Variants in GPM6B observed in about 807,000 individuals in gnomAD.
The protein encoded by GPM6B is glycoprotein M6B.
In GPM6B, 4 loss-of-function variants were observed where a neutral mutation model predicts 27.2. The ratio of observed to expected loss-of-function variants is 0.15; its 90% CI spans 0.07 to 0.34. The LOEUF is 0.34. Ranked by LOEUF, GPM6B falls within the 10% of genes least tolerant of loss-of-function variation. The pLI is 1.00. For synonymous variants in GPM6B, 124 were observed against 103.1 expected, an observed-to-expected ratio of 1.20 and a Z score of -1.23; for missense variants, 183 against 261.9, an observed-to-expected ratio of 0.70 and a Z score of 2.08.
At chrX:13,774,775 G>A in intron 7 of GPM6B, 1 of 445,949 alleles carries the variant, frequency 2.2e-6, no homozygotes. Context: ...TTCCTATCTA[G>A]CACACACAAA....
chrX:13,783,573 A>AAT, intron 3 of GPM6B, 52 bp from the exon 4 acceptor site: 1 of 1,031,840 alleles, frequency 9.7e-7, no homozygotes, highest in Non-Finnish European at 1.3e-6. Flanking sequence ...CCTGGTAGTG[A>AAT]CTACGTTTCT....
intron 1 of GPM6B, among the ~76,000 whole-genome samples, chrX:13,920,612 C>A (rs1394778565): frequency 1.8e-5 from 2 of 111,598 alleles, no homozygotes; most frequent in African/African-American, 6.5e-5. Context: ...ATGGGTAAGG[C>A]CGGGTGCAGT....
Position 13,875,471 on chromosome X carries a change from C to T in GPM6B, c.-198+62856G>A, listed in dbSNP as rs190212340. Among the ~76,000 whole-genome samples, 124 of 111,605 alleles carry T rather than the reference C, an allele frequency of 1.1e-3. 1 individual carries two copies. Among genetic ancestry groups the T allele is most frequent in the African/African-American group, 3.8e-3 (116 of 30,755 alleles). ...GAGCAAAAGGCCGCACGGGTAGCTCCTCAAGAAGTTAAACATCCAATTACT... is the reference window on the plus strand; with the variant it reads ...GAGCAAAAGGCCGCACGGGTAGCTCTTCAAGAAGTTAAACATCCAATTACT... On this transcript the variant is annotated intron_variant, in intron 1 of 6. Transcript: ENST00000398361.
chrX:13,785,932 T>C lies in GPM6B; in HGVS notation c.182-124A>G, dbSNP rs866570734. On this transcript the variant is annotated intron_variant, in intron 2 of 7. Coordinates refer to ENST00000316715, the MANE Select transcript of GPM6B (RefSeq NM_001001995.3). ...CTCCCCTCTCAGGCTCTATGGTTAA[T>C]ATTAATACTTCGACATCCCAAGGGC... 1.5e-5 allele frequency: 8 copies of C among 528,118 alleles called. No individual in the cohort carries two copies. In the South Asian group the frequency reaches 2.7e-4, roughly 18 times the overall value. 43.5% of individuals were successfully genotyped at this position (528,118 alleles called of 1,213,427 possible). A position where few individuals can be genotyped will look rare whatever the true frequency, so the allele number is the denominator to read the frequency against.
chrX:13,783,057 T>G (rs1295503504), intron 4 of GPM6B, among the ~76,000 whole-genome samples: 1 of 112,482 alleles, frequency 8.9e-6, no homozygotes, highest in Non-Finnish European at 1.9e-5. Flanking sequence ...AGGGGAGCAC[T>G]GAGACCACAT....
At chrX:13,845,314 A>G (rs2049632588) in intron 1 of GPM6B, among the ~76,000 whole-genome samples, 1 of 102,761 alleles carries the variant, frequency 9.7e-6, no homozygotes, top group African/African-American at 3.6e-5. Context: ...TCTATAGTGG[A>G]AATCTGAGCA....
At chrX:13,866,235 T>C (rs767462298) in intron 1 of GPM6B, among the ~76,000 whole-genome samples, 8 of 112,090 alleles carry the variant, frequency 7.1e-5, no homozygotes, top group Non-Finnish European at 1.3e-4. Context: ...TGGTGGCACA[T>C]GCCTGTAATC....
chrX:13,926,339 C>T (rs149570298), intron 1 of GPM6B, among the ~76,000 whole-genome samples: 3,815 of 107,355 alleles, frequency 0.036, 97 homozygotes, highest in East Asian at 0.18. Context: ...ACCCAGGAGG[C>T]GGAGCTTGCA....
intron 1 of GPM6B, among the ~76,000 whole-genome samples, chrX:13,894,686 A>T (rs974507922): frequency 1.8e-5 from 2 of 112,743 alleles, no homozygotes; most frequent in Admixed American, 9.4e-5. Context: ...AAACCACATA[A>T]GAAAGAATAC....
chrX:13,783,565 T>A, intron 3 of GPM6B, 44 bp from the exon 4 acceptor site: 2 of 1,047,281 alleles, frequency 1.9e-6, no homozygotes, highest in Non-Finnish European at 2.6e-6. Flanking sequence ...ATTCACTGCC[T>A]GGTAGTGACT....
chrX:13,777,709 C>T (rs1392003595), intron 5 of GPM6B, among the ~76,000 whole-genome samples: 1 of 112,488 alleles, frequency 8.9e-6, no homozygotes, highest in African/African-American at 3.2e-5. Flanking sequence ...TTTGGAAGTT[C>T]ATATTTGTAA....
intron 1 of GPM6B, among the ~76,000 whole-genome samples, chrX:13,904,045 T>C (rs1306078837): frequency 2.7e-5 from 3 of 110,699 alleles, no homozygotes; most frequent in Non-Finnish European, 5.7e-5. Context: ...ACCCTCCAGA[T>C]CTCCTTTACA....
At chrX:13,846,540 G>A (rs1288835879) in intron 1 of GPM6B, among the ~76,000 whole-genome samples, 1 of 110,090 alleles carries the variant, frequency 9.1e-6, no homozygotes, top group Non-Finnish European at 1.9e-5. Context: ...GCCCAGGCTG[G>A]AGTGCAGTGG....
At chrX:13,933,328 T>C (rs759822366) in intron 1 of GPM6B, among the ~76,000 whole-genome samples, 48 of 112,190 alleles carry the variant, frequency 4.3e-4, no homozygotes, top group South Asian at 2.2e-3. Context: ...AAATGGATGA[T>C]GATGGCTCAA....
intron 1 of GPM6B, among the ~76,000 whole-genome samples, chrX:13,900,374 T>C (rs1372941056): frequency 9.0e-6 from 1 of 110,912 alleles, no homozygotes; most frequent in Non-Finnish European, 1.9e-5. Flanking sequence ...GTGGGGTGGG[T>C]GTCGGAAGGG....
At chrX:13,880,199 T>C (rs1456580110) in intron 1 of GPM6B, among the ~76,000 whole-genome samples, 1 of 111,573 alleles carries the variant, frequency 9.0e-6, no homozygotes, top group Non-Finnish European at 1.9e-5. Context: ...TACTCTCCTA[T>C]ACAAGCAGAA....
chrX:13,891,649 G>A (rs942057642), intron 1 of GPM6B, among the ~76,000 whole-genome samples: 1 of 112,214 alleles, frequency 8.9e-6, no homozygotes, highest in Non-Finnish European at 1.9e-5. Flanking sequence ...ATATTTGGTG[G>A]CAGGCTCACC....
intron 1 of GPM6B, among the ~76,000 whole-genome samples, chrX:13,894,509 T>G (rs893660289): frequency 8.9e-6 from 1 of 112,273 alleles, no homozygotes. Flanking sequence ...TTAGGTACAT[T>G]TCATTTACTA....
At chrX:13,894,934 C>T (rs1394800926) in intron 1 of GPM6B, among the ~76,000 whole-genome samples, 2 of 112,063 alleles carry the variant, frequency 1.8e-5, no homozygotes, top group Non-Finnish European at 3.8e-5. Flanking sequence ...CTGTTCAGCC[C>T]TAGGAGATAT....
Sources: gnomAD v4.1 joint callset for allele counts (sites outside exome capture counted in the v4.1 genomes callset) on GRCh38, gnomAD v4.1.1 for gene constraint, MANE v1.5 for transcripts, NCBI Gene and HGNC (gene_info 2026-07-23, HGNC 2026-07-21) for gene names.